Variants in NBEAL1 observed in about 807,000 individuals in gnomAD.
NBEAL1 encodes the protein neurobeachin like 1.
A neutral mutation model predicts 351.3 loss-of-function variants in NBEAL1; 273 were observed. That is an observed-to-expected ratio of 0.78 (90% confidence interval 0.70 to 0.86). NBEAL1 has a LOEUF of 0.86. Ranked by LOEUF, NBEAL1 falls within the 40% of genes least tolerant of loss-of-function variation. NBEAL1 has a pLI of 0.00. For missense variants in NBEAL1, 2,961 were observed against 3,201.3 expected (o/e 0.92, Z 1.81); for synonymous variants, 1,050 against 1,086.4 (o/e 0.97, Z 0.66).
Position 203,062,276 on chromosome 2 carries a change from T to C in NBEAL1, c.515+4823T>C. The C allele has an allele frequency of 2.1e-6, 1 of 465,788 alleles. No homozygotes were observed. Among genetic ancestry groups the C allele is most frequent in the South Asian group, 1.5e-5 (1 of 65,258 alleles). The allele number at this position is 465,788 out of a possible 1,614,324, so 28.9% of individuals were successfully genotyped here. On this transcript the variant is annotated intron_variant, in intron 6 of 55. Coordinates refer to ENST00000683969, the MANE Select transcript of NBEAL1 (RefSeq NM_001378026.1). This position sits in a 1 kb window ranked among gnomAD's most constrained non-coding sequence, Gnocchi z 4.2. ...TTCTGGTCTTCCCATTTGTTTTCTG[T>C]AGAAGCCAAATTCCTGAAGGTTTCC... is the stretch of plus-strand genomic sequence containing the variant.
At chr2:203,179,395 A>G (rs1310717406) in intron 42 of NBEAL1, among the ~76,000 whole-genome samples, 1 of 152,224 alleles carries the variant, frequency 6.6e-6, no homozygotes, top group Non-Finnish European at 1.5e-5. Flanking sequence ...TCTTGAGGCC[A>G]GGAGTTTGAC....
intron 38 of NBEAL1, 67 bp downstream of exon 38, chr2:203,167,427 T>C (rs1575073710): frequency 1.4e-6 from 2 of 1,407,230 alleles, no homozygotes; most frequent in East Asian, 2.4e-5. Flanking sequence ...TAGTGAGCTC[T>C]AATGGAACTT....
chr2:203,115,277 C>T (rs927195481), intron 17 of NBEAL1, among the ~76,000 whole-genome samples: 2 of 151,770 alleles, frequency 1.3e-5, no homozygotes, highest in South Asian at 2.1e-4. Flanking sequence ...CCTGCCACCA[C>T]GCCCAGCTAA....
intron 2 of NBEAL1, among the ~76,000 whole-genome samples, chr2:203,034,760 T>A (rs1188257055): frequency 6.7e-6 from 1 of 148,836 alleles, no homozygotes; most frequent in African/African-American, 2.4e-5. Flanking sequence ...GGCTGGCCTG[T>A]ACTTATTAAA....
At chr2:203,205,162 G>T (rs1326860225) in intron 51 of NBEAL1, among the ~76,000 whole-genome samples, 4 of 151,880 alleles carry the variant, frequency 2.6e-5, no homozygotes, top group Non-Finnish European at 4.4e-5. Context: ...TAAGTATTTA[G>T]CTTACTTCTA....
At chr2:203,030,260 T>C (rs1234757741) in intron 2 of NBEAL1, among the ~76,000 whole-genome samples, 1 of 152,162 alleles carries the variant, frequency 6.6e-6, no homozygotes, top group Non-Finnish European at 1.5e-5. Flanking sequence ...ACTGGCAACA[T>C]GGTAAGACAT....
chr2:203,050,916 G>A (rs994587865), intron 4 of NBEAL1, among the ~76,000 whole-genome samples: 1 of 152,094 alleles, frequency 6.6e-6, no homozygotes, highest in Non-Finnish European at 1.5e-5. Context: ...TTGGTTTATT[G>A]GTTCATATTC....
chr2:203,205,542 T>C (rs1332845646), intron 51 of NBEAL1, among the ~76,000 whole-genome samples: 1 of 152,218 alleles, frequency 6.6e-6, no homozygotes, highest in Admixed American at 6.5e-5. Flanking sequence ...AATTTTTCTC[T>C]TTTTCTTGAT....
intron 36 of NBEAL1, among the ~76,000 whole-genome samples, chr2:203,161,628 CAAATAAATAAATAAATAAATAAAT>C (rs71928655): frequency 5.5e-4 from 75 of 137,208 alleles, no homozygotes; most frequent in African/African-American, 1.3e-3. Flanking sequence ...GACTCCGTCT[CAAATAAATAAATAAATAAATAAAT>C]AAATAAATAA....
intron 10 of NBEAL1, among the ~76,000 whole-genome samples, chr2:203,093,625 G>A (rs1026562497): frequency 1.5e-4 from 23 of 152,150 alleles, no homozygotes; most frequent in African/African-American, 5.3e-4. Context: ...AGGCCAAGGC[G>A]GGTTGATCAC....
chr2:203,208,818 C>T, intron 52 of NBEAL1, 65 bp downstream of exon 52: 1 of 1,251,600 alleles, frequency 8.0e-7, no homozygotes, highest in Admixed American at 2.5e-5. Context: ...ACACTTATAA[C>T]TAAAAAGTTT....
In NBEAL1 at chr2:203,208,658, G is replaced by A. The variant is rs1391114629; in HGVS notation, c.7528G>A (p.Ala2510Thr). The change falls in exon 52 of 56, where the codon GCA (alanine) becomes ACA (threonine). Residue 2510 changes from alanine (A) to threonine (T), a missense_variant. Transcript: ENST00000683969. ...TTAGGGAGGTGTTCCTGTGGGCTTAGCATCTAAACCTTTTCAGATTCTTTA... is the reference window on the plus strand; with the variant it reads ...TTAGGGAGGTGTTCCTGTGGGCTTAACATCTAAACCTTTTCAGATTCTTTA... ...TQQGGVPVGL[A>T]SKPFQILYGH... 4.3e-6 allele frequency: 7 copies of A among 1,611,472 alleles called. No individual in the cohort carries two copies. Among genetic ancestry groups the A allele is most frequent in the Non-Finnish European group, 5.1e-6 (6 of 1,179,306 alleles).
At chr2:203,066,398 G>T (rs1574921224) in intron 6 of NBEAL1, among the ~76,000 whole-genome samples, 2 of 151,480 alleles carry the variant, frequency 1.3e-5, no homozygotes, top group East Asian at 3.9e-4. Context: ...TTGGGGGTAA[G>T]GTTATAGATT....
intron 31 of NBEAL1, 28 bp from the exon 32 acceptor site, chr2:203,144,572 C>G (rs1214089036): frequency 6.3e-7 from 1 of 1,576,196 alleles, no homozygotes; most frequent in African/African-American, 1.4e-5. Flanking sequence ...TTAGTCTGCT[C>G]TTTCTCATCT....
At chr2:203,190,935 CT>C in intron 46 of NBEAL1, 2 of 1,610,476 alleles carry the variant, frequency 1.2e-6, no homozygotes, top group Non-Finnish European at 1.7e-6. Flanking sequence ...CAACGGGTGA[CT>C]GGAAGGGCCT....
Position 203,149,008 on chromosome 2 carries a change from A to G in NBEAL1, c.5322A>G (p.Pro1774=), listed in dbSNP as rs1477803416. The part of the protein sequence containing the change: ...KLKFQELFVE[P]FNRKARQENL... ...TCTTTCAGGAGCTGTTTGTGGAGCC[A>G]TTTAATCGAAAAGCACGCCAAGAGA... Residue 1774 remains proline, a synonymous_variant, in exon 34 of 56, where the codon CCA becomes CCG. Transcript: ENST00000683969. 4 of 1,608,962 alleles carry G rather than the reference A, an allele frequency of 2.5e-6. No homozygotes were observed. The African/African-American group carries it at 4.0e-5, about 16-fold the overall frequency.
Position 203,209,144 on chromosome 2 carries a change from A to G in NBEAL1, c.7624-17A>G. ...TTTCCTTTGTCTTTTTCATTTTCTG[A>G]TATATCCTGTGTGTAGGATGGAACG... On this transcript the variant is annotated splice_polypyrimidine_tract_variant and intron_variant, in intron 52 of 55. Transcript: ENST00000683969. 6.3e-7 allele frequency: 1 copy of G among 1,588,424 alleles called. No homozygotes were observed. Among genetic ancestry groups the G allele is most frequent in the Non-Finnish European group, 8.6e-7 (1 of 1,162,338 alleles).
At chr2:203,074,050 A>G (rs2061725500) in intron 7 of NBEAL1, among the ~76,000 whole-genome samples, 1 of 152,220 alleles carries the variant, frequency 6.6e-6, no homozygotes, top group Admixed American at 6.5e-5. Flanking sequence ...GTAGTTAGTA[A>G]CAATGCATTG....
chr2:203,170,729 G>A (rs1322037630), intron 39 of NBEAL1, among the ~76,000 whole-genome samples: 1 of 152,018 alleles, frequency 6.6e-6, no homozygotes, highest in Non-Finnish European at 1.5e-5. Context: ...AGTGAAAAAA[G>A]TTTTATTTAA....
Sources: allele counts gnomAD v4.1 joint callset (sites outside exome capture counted in the v4.1 genomes callset), GRCh38; gene constraint gnomAD v4.1.1; non-coding constraint Gnocchi (gnomAD v3.1); transcripts MANE v1.5; gene names NCBI Gene and HGNC (gene_info 2026-07-23, HGNC 2026-07-21).